Variants in B3GLCT observed in about 807,000 individuals in gnomAD.
B3GLCT encodes the protein beta-1,3-glucosyltransferase.
B3GLCT carries 65 observed loss-of-function variants against 63.4 expected under a neutral mutation model. The observed-to-expected ratio is 1.03, with a 90% CI of 0.84 to 1.26. B3GLCT has a LOEUF of 1.26. Ranked by LOEUF, B3GLCT falls within the 50% of genes most tolerant of loss-of-function variation. The pLI, the probability that B3GLCT is intolerant of heterozygous loss-of-function variation, is 0.00. For synonymous variants in B3GLCT, 233 were observed against 219.2 expected, an observed-to-expected ratio of 1.06 and a Z score of -0.55; for missense variants, 577 against 604.8, an observed-to-expected ratio of 0.95 and a Z score of 0.48.
intron 1 of B3GLCT, among the ~76,000 whole-genome samples, chr13:31,205,491 C>T (rs1256537613): frequency 1.3e-5 from 2 of 151,748 alleles, no homozygotes; most frequent in African/African-American, 4.8e-5. Context: ...CCCAGGAGGC[C>T]GAGGTTGTAG....
At chr13:31,244,919 T>A (rs760180302) in intron 4 of B3GLCT, among the ~76,000 whole-genome samples, 2 of 152,072 alleles carry the variant, frequency 1.3e-5, no homozygotes, top group Non-Finnish European at 2.9e-5. Flanking sequence ...TTTTGAGTAC[T>A]CACCTTTGGA....
chr13:31,256,706 AGT>A (rs1282306220), intron 6 of B3GLCT, among the ~76,000 whole-genome samples: 12 of 152,178 alleles, frequency 7.9e-5, no homozygotes, highest in Admixed American at 7.9e-4. Context: ...CTCACTCATA[AGT>A]GGGAGTTAAT....
intron 11 of B3GLCT, 50 bp from the exon 12 acceptor site, chr13:31,286,670 A>G (rs751155167): frequency 1.7e-6 from 2 of 1,190,208 alleles, no homozygotes; most frequent in Non-Finnish European, 1.2e-6. Flanking sequence ...CAAATTCTAT[A>G]TATTTTATAA....
intron 6 of B3GLCT, among the ~76,000 whole-genome samples, chr13:31,253,644 AT>A (rs1429090357): frequency 6.7e-6 from 1 of 149,160 alleles, no homozygotes; most frequent in Non-Finnish European, 1.5e-5. Flanking sequence ...GAGCAAGCAA[AT>A]TCAAAAGCTA....
chr13:31,274,060 C>T (rs1359181922), intron 8 of B3GLCT, among the ~76,000 whole-genome samples: 1 of 152,088 alleles, frequency 6.6e-6, no homozygotes, highest in Non-Finnish European at 1.5e-5. Context: ...TTTTTGTTCT[C>T]GCAGATTCCA....
At chr13:31,200,426 T>G (rs2137721659) in intron 1 of B3GLCT, among the ~76,000 whole-genome samples, 1 of 149,548 alleles carries the variant, frequency 6.7e-6, no homozygotes, top group East Asian at 2.0e-4. Context: ...CAGACTCGCG[T>G]CTCCCAGCCT....
rs766659397 is a variant in B3GLCT, at chr13:31,274,521, A to G, written c.673A>G (p.Ile225Val). Residue 225 changes from isoleucine (I) to valine (V), a missense_variant, in exon 9 of 15, where the codon ATC becomes GTC. Transcript: ENST00000343307. ...TGTCTCGTGGCAGATTGCCCTCTAC[A>G]TCTGGGACAAAGGCGGAGGACCTCC... ...IDLKHEIALY[I>V]WDKGGGPPLT... The G allele has an allele frequency of 1.4e-5, 22 of 1,614,040 alleles. 1 individual carries two copies. The highest frequency in any genetic ancestry group is 2.7e-5 in the African/African-American group (2 of 74,922).
At chr13:31,285,420 C>T (rs900421024) in intron 11 of B3GLCT, among the ~76,000 whole-genome samples, 2 of 151,782 alleles carry the variant, frequency 1.3e-5, no homozygotes, top group South Asian at 4.2e-4. Flanking sequence ...TACAATATGT[C>T]GATGTTACAA....
chr13:31,215,091 G>A lies in B3GLCT; in HGVS notation c.111G>A (p.Lys37=), dbSNP rs1310733902. The A allele has an allele frequency of 2.5e-6, 4 of 1,611,004 alleles. No individual in the cohort carries two copies. The South Asian group carries it at 4.4e-5, about 18-fold the overall frequency. The part of the protein sequence containing the change: ...LASEDTKKEV[K]QSQDLEKSGI... Reference sequence around the variant, plus strand: ...CTGAAGATACAAAGAAAGAGGTCAAGCAGTCTCAGGTACTAATCCCAATGA... The same window carrying A: ...CTGAAGATACAAAGAAAGAGGTCAAACAGTCTCAGGTACTAATCCCAATGA... The change falls in exon 2 of 15, where the codon AAG becomes AAA. Residue 37 remains lysine, a synonymous_variant. Coordinates refer to ENST00000343307, the MANE Select transcript of B3GLCT (RefSeq NM_194318.4).
intron 10 of B3GLCT, among the ~76,000 whole-genome samples, chr13:31,278,197 C>A (rs1872888452): frequency 6.6e-6 from 1 of 151,916 alleles, no homozygotes; most frequent in Non-Finnish European, 1.5e-5. Context: ...CTTTGAAACA[C>A]ATTTTTCAGG....
In B3GLCT at chr13:31,317,520, C is replaced by T. The variant is rs367873481; in HGVS notation, c.1065-46C>T. On this transcript the variant is annotated intron_variant, in intron 12 of 14. Transcript: ENST00000343307. Reference sequence around the variant, plus strand: ...AGAACCATAAACTGTTCCATAACCACGTTTGAATCAAATAATCATGATTTG... The same window carrying T: ...AGAACCATAAACTGTTCCATAACCATGTTTGAATCAAATAATCATGATTTG... The T allele has an allele frequency of 1.2e-4, 194 of 1,611,260 alleles. No individual in the cohort carries two copies. In the African/African-American group the frequency reaches 1.5e-3, roughly 13 times the overall value.
chr13:31,325,075 A>G (rs1419937376), intron 14 of B3GLCT, among the ~76,000 whole-genome samples: 2 of 152,240 alleles, frequency 1.3e-5, no homozygotes, highest in Admixed American at 6.5e-5. Flanking sequence ...AGCATGACAG[A>G]AATAGTATAC....
intron 1 of B3GLCT, among the ~76,000 whole-genome samples, chr13:31,204,354 A>T (rs1316432215): frequency 1.3e-5 from 2 of 152,166 alleles, no homozygotes; most frequent in Non-Finnish European, 2.9e-5. Flanking sequence ...GTTCCACCCC[A>T]CCATCGAACA....
At chr13:31,305,339 G>A (rs1874369558) in intron 12 of B3GLCT, among the ~76,000 whole-genome samples, 1 of 117,674 alleles carries the variant, frequency 8.5e-6, no homozygotes. Flanking sequence ...AGAGCAGAAT[G>A]GAAGGAAATA....
chr13:31,225,812 A>C (rs1870070928), intron 3 of B3GLCT, among the ~76,000 whole-genome samples: 1 of 151,594 alleles, frequency 6.6e-6, no homozygotes, highest in Non-Finnish European at 1.5e-5. Flanking sequence ...GGAAGTCCCC[A>C]CTGCCTGGGA....
intron 7 of B3GLCT, among the ~76,000 whole-genome samples, chr13:31,266,077 C>T (rs1048570727): frequency 1.3e-5 from 2 of 152,040 alleles, no homozygotes; most frequent in African/African-American, 4.8e-5. Flanking sequence ...TCGCTCACTG[C>T]AAGTTCCACC....
intron 3 of B3GLCT, among the ~76,000 whole-genome samples, chr13:31,223,982 GCT>G (rs1309623726): frequency 6.6e-6 from 1 of 152,196 alleles, no homozygotes; most frequent in Non-Finnish European, 1.5e-5. Context: ...TGGAAGGCGA[GCT>G]CTAGATAAGA....
chr13:31,289,708 A>G (rs538325826), intron 12 of B3GLCT, among the ~76,000 whole-genome samples: 1 of 152,312 alleles, frequency 6.6e-6, no homozygotes, highest in East Asian at 1.9e-4. Flanking sequence ...CAGACAAGGA[A>G]ATGCTGAGGA....
At chr13:31,326,726 A>C (rs995103162) in intron 14 of B3GLCT, among the ~76,000 whole-genome samples, 1 of 152,092 alleles carries the variant, frequency 6.6e-6, no homozygotes, top group Non-Finnish European at 1.5e-5. Context: ...CAGAGATATG[A>C]TTATTAGAGG....
Sources: allele counts gnomAD v4.1 joint callset (sites outside exome capture counted in the v4.1 genomes callset), GRCh38; gene constraint gnomAD v4.1.1; transcripts MANE v1.5; gene names NCBI Gene and HGNC (gene_info 2026-07-23, HGNC 2026-07-21).